The following JAKMIP1 variants were observed in gnomAD, a reference collection of about 807,000 sequenced individuals.
JAKMIP1 encodes the protein janus kinase and microtubule interacting protein 1.
Under a neutral mutation model 113.0 loss-of-function variants are expected in JAKMIP1, and 33 were observed. That is an observed-to-expected ratio of 0.29 (90% confidence interval 0.22 to 0.39). The LOEUF is 0.39. JAKMIP1 is among the 10% of genes least tolerant of loss of function. The probability of loss-of-function intolerance (pLI) is 1.00; values close to 1 mark genes in which losing one functional copy is unlikely to be tolerated. For missense variants in JAKMIP1, 813 were observed against 1,080.5 expected (o/e 0.75, Z 3.47); for synonymous variants, 480 against 459.9 (o/e 1.04, Z -0.56).
Position 6,044,840 on chromosome 4 carries a change from A to G in JAKMIP1, c.2029-2613T>C, listed in dbSNP as rs1714781741. Among the ~76,000 whole-genome samples the G allele has an allele frequency of 6.6e-6, 1 of 152,370 alleles. No individual in the cohort carries two copies. The highest frequency in any genetic ancestry group is 2.1e-4 in the South Asian group (1 of 4,828). ...CCGACCACGTGAGATCAGAAATTTA[A>G]TATCAAAGAGTTTGGCCAGATAGCT... is the stretch of plus-strand genomic sequence containing the variant. On this transcript the variant is annotated intron_variant, in intron 16 of 20. Transcript: ENST00000409021. This position sits in a 1 kb window ranked among gnomAD's most constrained non-coding sequence, Gnocchi z 4.4.
At position 6,155,651 on chromosome 4, in the gene JAKMIP1, A is replaced by G. The variant is rs1722142976; in HGVS notation, c.-147-42654T>C. ...GGACATGCACGGATGTGCTGTTTACAACAAGGAAAATAAGCAGCCAACTAA... is the reference window on the plus strand; with the variant it reads ...GGACATGCACGGATGTGCTGTTTACGACAAGGAAAATAAGCAGCCAACTAA... On this transcript the variant is annotated intron_variant, in intron 1 of 20. Transcript: ENST00000409021. The surrounding 1 kb of genome is among the most constrained non-coding windows in gnomAD (Gnocchi z 6.1). Among the ~76,000 whole-genome samples, 2 of 152,238 alleles carry G rather than the reference A, an allele frequency of 1.3e-5. No individual in the cohort carries two copies. The highest frequency in any genetic ancestry group is 4.8e-5 in the African/African-American group (2 of 41,472).
At position 6,067,244 on chromosome 4, in the gene JAKMIP1, C is replaced by G. The variant is rs1718235087; in HGVS notation, c.1303-2236G>C. On this transcript the variant is annotated intron_variant, in intron 8 of 20. Coordinates refer to ENST00000409021, the MANE Select transcript of JAKMIP1 (RefSeq NM_001099433.2). The surrounding 1 kb of genome is among the most constrained non-coding windows in gnomAD (Gnocchi z 4.6). ...TCGACTGTATCCCAGTGTTAATGAACTCAAAGCCACACTAGTTTGTCTATC... is the reference window on the plus strand; with the variant it reads ...TCGACTGTATCCCAGTGTTAATGAAGTCAAAGCCACACTAGTTTGTCTATC... Among the ~76,000 whole-genome samples the G allele has an allele frequency of 6.6e-6, 1 of 152,222 alleles. No homozygotes were observed. Among genetic ancestry groups the G allele is most frequent in the Admixed American group, 6.5e-5 (1 of 15,286 alleles).
Position 6,137,805 on chromosome 4 carries a change from AG to A in JAKMIP1, c.-147-24809del, listed in dbSNP as rs1399299326. On this transcript the variant is annotated intron_variant, in intron 1 of 20. Transcript: ENST00000409021. This position sits in a 1 kb window ranked among gnomAD's most constrained non-coding sequence, Gnocchi z 4.5. ...ACACAAGTGAGAGCCAGGTGGGGAT[AG>A]GACAAGGTGCCCACTGGCTGGCATG... Among the ~76,000 whole-genome samples the A allele has an allele frequency of 1.3e-5, 2 of 152,272 alleles. No individual in the cohort carries two copies. The highest frequency in any genetic ancestry group is 2.9e-5 in the Non-Finnish European group (2 of 68,048).
rs1437854145 is a variant in JAKMIP1, at chr4:6,155,723, T to G, written c.-147-42726A>C. Among the ~76,000 whole-genome samples the G allele has an allele frequency of 6.6e-6, 1 of 152,238 alleles. No homozygotes were observed. The highest frequency in any genetic ancestry group is 2.4e-5 in the African/African-American group (1 of 41,464). On this transcript the variant is annotated intron_variant, in intron 1 of 20. Transcript: ENST00000409021. The surrounding 1 kb of genome is among the most constrained non-coding windows in gnomAD (Gnocchi z 6.1). ...ACAACTGTATGTCCCATGGCACATT[T>G]ATAGAACGGGATATTATAGTGTCCT...
In JAKMIP1 at chr4:6,044,670, G is replaced by T. The variant is rs1016518067; in HGVS notation, c.2029-2443C>A. 6.6e-6 allele frequency among the ~76,000 whole-genome samples: 1 copy of T among 152,118 alleles called. No individual in the cohort carries two copies. Among genetic ancestry groups the T allele is most frequent in the East Asian group, 1.9e-4 (1 of 5,192 alleles). On this transcript the variant is annotated intron_variant, in intron 16 of 20. Coordinates refer to ENST00000409021, the MANE Select transcript of JAKMIP1 (RefSeq NM_001099433.2). This position sits in a 1 kb window ranked among gnomAD's most constrained non-coding sequence, Gnocchi z 4.4. ...CAGGTTTGGATGATTACAACATGCT[G>T]CTCTCAGAACGGTTTCTGCAGAACA...
In JAKMIP1 at chr4:6,050,606, T is replaced by C; in HGVS notation, c.1880A>G (p.Gln627Arg). The change falls in exon 14 of 21, where the codon CAG becomes CGG. Residue 627 changes from glutamine (Q) to arginine (R), a missense_variant. By Grantham distance (43) the Gln-to-Arg change is conservative. This residue lies in a region of JAKMIP1 where 273 missense variants were observed against 426.6 expected (regional missense o/e 0.64). Coordinates refer to ENST00000409021, the MANE Select transcript of JAKMIP1 (RefSeq NM_001099433.2). The surrounding 1 kb of genome is among the most constrained non-coding windows in gnomAD (Gnocchi z 7.4). ...TFPENHSSAL[Q>R]LFCHQEGVKD... ...AACTCCTTCCTGGTGACAGAACAGC[T>C]GGAGAGCGCTGCTGTGGTTCTCGGG... The C allele has an allele frequency of 6.4e-7, 1 of 1,574,468 alleles. No homozygotes were observed. Among genetic ancestry groups the C allele is most frequent in the Non-Finnish European group, 8.6e-7 (1 of 1,159,506 alleles).
At chr4:6,054,619 A>G (rs1171876905) in intron 12 of JAKMIP1, 5 of 398,566 alleles carry the variant, frequency 1.3e-5, no homozygotes, top group Non-Finnish European at 1.5e-5. Context: ...TTCCCCACAG[A>G]GCTTGCAGAA....
rs946999884 is a variant in JAKMIP1 at position 6,086,321 on chromosome 4, G to A, written c.625-692C>T. 6.6e-6 allele frequency among the ~76,000 whole-genome samples: 1 copy of A among 151,912 alleles called. No individual in the cohort carries two copies. Among genetic ancestry groups the A allele is most frequent in the African/African-American group, 2.4e-5 (1 of 41,344 alleles). On this transcript the variant is annotated intron_variant, in intron 3 of 20. Coordinates refer to ENST00000409021, the MANE Select transcript of JAKMIP1 (RefSeq NM_001099433.2). The surrounding 1 kb of genome is among the most constrained non-coding windows in gnomAD (Gnocchi z 4.1). Reference sequence around the variant, plus strand: ...CCCAGGCAGCCAGGTCCTCCCCGACGGTATCAACCCCACATATGCAGCAGA... The same window carrying A: ...CCCAGGCAGCCAGGTCCTCCCCGACAGTATCAACCCCACATATGCAGCAGA...
chr4:6,063,733 AACC>A (rs1469890076), intron 9 of JAKMIP1, among the ~76,000 whole-genome samples: 1 of 152,214 alleles, frequency 6.6e-6, no homozygotes, highest in African/African-American at 2.4e-5. Context: ...CATGGGAGGA[AACC>A]AGCCTAGAAG....
rs1719101796 is a variant in JAKMIP1, at chr4:6,135,502, G to A, written c.-147-22505C>T. Among the ~76,000 whole-genome samples, 1 of 152,140 alleles carries A rather than the reference G, an allele frequency of 6.6e-6. No homozygotes were observed. The highest frequency in any genetic ancestry group is 6.5e-5 in the Admixed American group (1 of 15,274). ...GGAGTCCATCATGGCAGCCCCTGAA[G>A]ACTGATACAGAGATGCTCCTTGAGC... On this transcript the variant is annotated intron_variant, in intron 1 of 20. Transcript: ENST00000409021. This position sits in a 1 kb window ranked among gnomAD's most constrained non-coding sequence, Gnocchi z 4.9.
At position 6,142,612 on chromosome 4, in the gene JAKMIP1, G is replaced by A. The variant is rs377688958; in HGVS notation, c.-147-29615C>T. 1.2e-4 allele frequency among the ~76,000 whole-genome samples: 18 copies of A among 152,206 alleles called. No individual in the cohort carries two copies. The highest frequency in any genetic ancestry group is 2.4e-4 in the African/African-American group (10 of 41,498). ...AAATATAGCTGGAGTCTCTGCTCTCGGACTTAAGAGGCAGCTGGCATTGGG... is the reference window on the plus strand; with the variant it reads ...AAATATAGCTGGAGTCTCTGCTCTCAGACTTAAGAGGCAGCTGGCATTGGG... On this transcript the variant is annotated intron_variant, in intron 1 of 20. Coordinates refer to ENST00000409021, the MANE Select transcript of JAKMIP1 (RefSeq NM_001099433.2). The surrounding 1 kb of genome is among the most constrained non-coding windows in gnomAD (Gnocchi z 5.5).
In JAKMIP1 at chr4:6,050,629, G is replaced by A. The variant is rs367714527; in HGVS notation, c.1857C>T (p.Pro619=). 275 of 1,576,280 alleles carry A rather than the reference G, an allele frequency of 1.7e-4. No individual in the cohort carries two copies. Among genetic ancestry groups the A allele is most frequent in the Non-Finnish European group, 2.0e-4 (236 of 1,160,458 alleles). The change falls in exon 14 of 21, where the codon CCC becomes CCT. Residue 619 remains proline, a synonymous_variant. Coordinates refer to ENST00000409021, the MANE Select transcript of JAKMIP1 (RefSeq NM_001099433.2). This position sits in a 1 kb window ranked among gnomAD's most constrained non-coding sequence, Gnocchi z 7.4. ...GCTGGAGAGCGCTGCTGTGGTTCTC[G>A]GGGAAGGTGGTGATTTGGAGGTTAA... ...PAFNLQITTF[P]ENHSSALQLF...
chr4:6,190,824 T>C (rs1451400812), intron 1 of JAKMIP1, among the ~76,000 whole-genome samples: 2 of 152,242 alleles, frequency 1.3e-5, no homozygotes, highest in African/African-American at 2.4e-5. Context: ...CATGTCTCCC[T>C]TGTGGCTCCT....
intron 7 of JAKMIP1, 109 bp from the exon 8 acceptor site, chr4:6,079,107 T>G: frequency 8.9e-7 from 1 of 1,124,090 alleles, no homozygotes; most frequent in Middle Eastern, 2.0e-4. Context: ...CAGGCATGGC[T>G]AGTTGAAGTT....
chr4:6,072,362 T>A lies in JAKMIP1; in HGVS notation c.1302+6577A>T, dbSNP rs549976550. Among the ~76,000 whole-genome samples, 3 of 152,334 alleles carry A rather than the reference T, an allele frequency of 2.0e-5. No individual in the cohort carries two copies. The East Asian group carries it at 5.8e-4, about 29-fold the overall frequency. On this transcript the variant is annotated intron_variant, in intron 8 of 20. Coordinates refer to ENST00000409021, the MANE Select transcript of JAKMIP1 (RefSeq NM_001099433.2). Reference sequence around the variant, plus strand: ...GATTGAGAGCTGCCTCAGAGACTTTTTGATTTACATCAGCCACTCAGCTGG... The same window carrying A: ...GATTGAGAGCTGCCTCAGAGACTTTATGATTTACATCAGCCACTCAGCTGG...
rs1560344776 is a variant in JAKMIP1 at position 6,185,657 on chromosome 4, A to G, written c.-148+14596T>C. Among the ~76,000 whole-genome samples, 1 of 152,120 alleles carries G rather than the reference A, an allele frequency of 6.6e-6. No homozygotes were observed. Among genetic ancestry groups the G allele is most frequent in the Non-Finnish European group, 1.5e-5 (1 of 68,010 alleles). On this transcript the variant is annotated intron_variant, in intron 1 of 20. Coordinates refer to ENST00000409021, the MANE Select transcript of JAKMIP1 (RefSeq NM_001099433.2). This position sits in a 1 kb window ranked among gnomAD's most constrained non-coding sequence, Gnocchi z 5.3. ...AGGAAGACTCCGTCTCAAAAAAACAAAAGCCAGACCCCAGCTGCAGAGTCC... is the reference window on the plus strand; with the variant it reads ...AGGAAGACTCCGTCTCAAAAAAACAGAAGCCAGACCCCAGCTGCAGAGTCC...
chr4:6,149,339 A>C (rs921521801), intron 1 of JAKMIP1, among the ~76,000 whole-genome samples: 3 of 152,194 alleles, frequency 2.0e-5, no homozygotes, highest in African/African-American at 7.2e-5. Context: ...TTCTCCCAGG[A>C]GGAAGAGACA....
intron 1 of JAKMIP1, among the ~76,000 whole-genome samples, chr4:6,191,912 A>AC (rs2109060869): frequency 2.3e-5 from 1 of 43,040 alleles, no homozygotes; most frequent in East Asian, 1.6e-3. Context: ...CCAGGAGTGC[A>AC]TTTTATTTAT....
intron 1 of JAKMIP1, among the ~76,000 whole-genome samples, chr4:6,147,668 C>T (rs1721020400): frequency 6.6e-6 from 1 of 152,242 alleles, no homozygotes; most frequent in Admixed American, 6.5e-5. Context: ...CTCTCCCCCA[C>T]CGGGTCCACA....
Sources: gnomAD v4.1 joint callset for allele counts (sites outside exome capture counted in the v4.1 genomes callset) on GRCh38, gnomAD v4.1.1 for gene constraint, gnomAD v4.1.1 regional missense constraint, Gnocchi (gnomAD v3.1) non-coding constraint, MANE v1.5 for transcripts, NCBI Gene and HGNC (gene_info 2026-07-23, HGNC 2026-07-21) for gene names.